NOL4: variants seen among roughly 807,000 people sequenced by gnomAD.
NOL4 encodes the protein cancer/testis antigen 125.
A neutral mutation model predicts 75.9 loss-of-function variants in NOL4; 17 were observed. The ratio of observed to expected loss-of-function variants is 0.22; its 90% CI spans 0.15 to 0.34. The LOEUF is 0.34. Ranked by LOEUF, NOL4 falls within the 10% of genes least tolerant of loss-of-function variation. The pLI is 1.00. For synonymous variants in NOL4, 292 were observed against 289.9 expected, an observed-to-expected ratio of 1.01 and a Z score of -0.07; for missense variants, 614 against 793.5, an observed-to-expected ratio of 0.77 and a Z score of 2.72.
At chr18:34,094,281 A>C (rs1159295322) in intron 4 of NOL4, among the ~76,000 whole-genome samples, 1 of 152,208 alleles carries the variant, frequency 6.6e-6, no homozygotes, top group Non-Finnish European at 1.5e-5. Context: ...TTTCATTGGC[A>C]AACAGGATAG....
At chr18:33,885,908 T>A (rs563127350) in intron 9 of NOL4, among the ~76,000 whole-genome samples, 1 of 152,198 alleles carries the variant, frequency 6.6e-6, no homozygotes, top group East Asian at 1.9e-4. Flanking sequence ...TAGCTAAGAT[T>A]TGGAAGCAAC....
intron 6 of NOL4, among the ~76,000 whole-genome samples, chr18:33,964,209 T>A (rs567469434): frequency 1.3e-5 from 2 of 152,274 alleles, no homozygotes; most frequent in East Asian, 3.9e-4. Flanking sequence ...AAGTAAACGT[T>A]TTCTGAGTGA....
At chr18:33,904,808 G>A (rs565543372) in intron 9 of NOL4, among the ~76,000 whole-genome samples, 2 of 152,248 alleles carry the variant, frequency 1.3e-5, no homozygotes, top group East Asian at 1.9e-4. Flanking sequence ...TGATGCAGGG[G>A]CCACAGATTC....
intron 9 of NOL4, among the ~76,000 whole-genome samples, chr18:33,905,740 C>T (rs1305393939): frequency 6.6e-6 from 1 of 152,084 alleles, no homozygotes; most frequent in Admixed American, 6.6e-5. Flanking sequence ...CCCAGAAGTT[C>T]CATGCTTCTT....
intron 1 of NOL4, among the ~76,000 whole-genome samples, chr18:34,167,236 A>G (rs893456764): frequency 6.6e-6 from 1 of 151,986 alleles, no homozygotes; most frequent in African/African-American, 2.4e-5. Flanking sequence ...ATTGAGCATC[A>G]CAGGAAGTTC....
intron 9 of NOL4, among the ~76,000 whole-genome samples, chr18:33,908,703 T>C (rs570927607): frequency 1.3e-5 from 2 of 152,258 alleles, no homozygotes; most frequent in East Asian, 1.9e-4. Flanking sequence ...TGGTGATGCC[T>C]GAGTGATAAT....
At chr18:33,910,408 C>T (rs1488319647) in intron 9 of NOL4, among the ~76,000 whole-genome samples, 2 of 151,982 alleles carry the variant, frequency 1.3e-5, no homozygotes, top group African/African-American at 4.8e-5. Flanking sequence ...CCTTTCCTGC[C>T]ATGTCATGGT....
At chr18:33,870,287 A>C (rs144033064) in intron 10 of NOL4, among the ~76,000 whole-genome samples, 19 of 152,162 alleles carry the variant, frequency 1.2e-4, no homozygotes, top group Non-Finnish European at 2.2e-4. Context: ...GTGGAATCCA[A>C]AGAATTTGTT....
At chr18:34,143,743 T>C (rs1010309674) in intron 1 of NOL4, among the ~76,000 whole-genome samples, 1 of 150,924 alleles carries the variant, frequency 6.6e-6, no homozygotes, top group African/African-American at 2.4e-5. Flanking sequence ...CACGCACCTG[T>C]AATCCCAGCT....
chr18:34,154,315 T>C (rs1214115568), intron 1 of NOL4, among the ~76,000 whole-genome samples: 3 of 152,014 alleles, frequency 2.0e-5, no homozygotes, highest in African/African-American at 7.2e-5. Context: ...CATTAAACAC[T>C]TCCACATACG....
intron 2 of NOL4, among the ~76,000 whole-genome samples, chr18:34,121,728 C>G (rs2080150839): frequency 6.6e-6 from 1 of 152,090 alleles, no homozygotes; most frequent in Non-Finnish European, 1.5e-5. Flanking sequence ...TCAAAGGTAC[C>G]AAGGAGAGAA....
Position 34,098,445 on chromosome 18 carries a change from T to C in NOL4, c.640-4848A>G, listed in dbSNP as rs534040984. Among the ~76,000 whole-genome samples the C allele has an allele frequency of 2.6e-5, 4 of 152,276 alleles. No individual in the cohort carries two copies. The East Asian group carries it at 7.7e-4, about 29-fold the overall frequency. The stretch of plus-strand genomic sequence containing the variant: ...AAGGAACCGGGTACTTAAGTGAGGT[T>C]TTCTTGGACTATCCAGCCAGGTCCA... On this transcript the variant is annotated intron_variant, in intron 4 of 10. Transcript: ENST00000261592.
At chr18:33,974,848 T>C (rs1420603139) in intron 6 of NOL4, among the ~76,000 whole-genome samples, 1 of 152,118 alleles carries the variant, frequency 6.6e-6, no homozygotes, top group Admixed American at 6.6e-5. Context: ...AAGCAGGATC[T>C]CAAAAGATAT....
chr18:34,181,104 G>A (rs1381258868), intron 1 of NOL4, among the ~76,000 whole-genome samples: 1 of 151,372 alleles, frequency 6.6e-6, no homozygotes, highest in Admixed American at 6.6e-5. Flanking sequence ...GAAATGCAAT[G>A]AATCCAGAAA....
intron 1 of NOL4, among the ~76,000 whole-genome samples, chr18:34,168,124 G>T (rs1472228555): frequency 1.3e-5 from 2 of 151,786 alleles, no homozygotes; most frequent in South Asian, 4.1e-4. Flanking sequence ...TAGGAAAAAT[G>T]TCATATATCA....
intron 9 of NOL4, among the ~76,000 whole-genome samples, chr18:33,931,012 C>T (rs1380023197): frequency 6.6e-6 from 1 of 151,940 alleles, no homozygotes; most frequent in Non-Finnish European, 1.5e-5. Context: ...TAATTTTTAT[C>T]TTATGCCACA....
intron 2 of NOL4, among the ~76,000 whole-genome samples, chr18:34,111,678 C>T (rs1362363034): frequency 6.6e-6 from 1 of 152,106 alleles, no homozygotes; most frequent in African/African-American, 2.4e-5. Context: ...AGGCAAAAGA[C>T]ATGAATCGGC....
chr18:34,196,629 C>T (rs2035348247), intron 1 of NOL4, among the ~76,000 whole-genome samples: 1 of 152,044 alleles, frequency 6.6e-6, no homozygotes. Flanking sequence ...AACTGCAAAA[C>T]ATGTATTTGC....
At chr18:34,167,600 A>G (rs1025444079) in intron 1 of NOL4, among the ~76,000 whole-genome samples, 1 of 152,088 alleles carries the variant, frequency 6.6e-6, no homozygotes, top group Non-Finnish European at 1.5e-5. Flanking sequence ...GTATGGGGAG[A>G]AGAAACAACC....
Sources: gnomAD v4.1 joint callset for allele counts (sites outside exome capture counted in the v4.1 genomes callset) on GRCh38, gnomAD v4.1.1 for gene constraint, MANE v1.5 for transcripts, NCBI Gene and HGNC (gene_info 2026-07-23, HGNC 2026-07-21) for gene names.